GABRB2: variants seen among roughly 807,000 people sequenced by gnomAD.
GABRB2 encodes gamma-aminobutyric acid receptor subunit beta-2.
A neutral mutation model predicts 54.7 loss-of-function variants in GABRB2; 16 were observed. The ratio of observed to expected loss-of-function variants is 0.29; its 90% CI spans 0.20 to 0.44. The LOEUF (loss-of-function observed/expected upper bound fraction) is 0.44, where lower values mean the gene tolerates loss of function less well. Ranked by LOEUF, GABRB2 falls within the 20% of genes least tolerant of loss-of-function variation. The pLI is 1.00. For synonymous variants in GABRB2, 244 were observed against 233.8 expected (o/e 1.04, Z -0.40); for missense variants, 355 against 644.0 (o/e 0.55, Z 4.86).
intron 3 of GABRB2, among the ~76,000 whole-genome samples, chr5:161,461,107 T>C (rs912335015): frequency 5.9e-5 from 9 of 152,180 alleles, no homozygotes; most frequent in African/African-American, 2.2e-4. Flanking sequence ...GGTATGCATA[T>C]TTAAAATAGA....
chr5:161,376,599 C>T (rs907249629), intron 5 of GABRB2, among the ~76,000 whole-genome samples: 1 of 152,080 alleles, frequency 6.6e-6, no homozygotes, highest in Non-Finnish European at 1.5e-5. Context: ...TATTTATGTG[C>T]TGCTGGATTT....
At chr5:161,467,013 A>C (rs569825607) in intron 3 of GABRB2, among the ~76,000 whole-genome samples, 1 of 152,254 alleles carries the variant, frequency 6.6e-6, no homozygotes, top group South Asian at 2.1e-4. Flanking sequence ...AAAGACATAA[A>C]GACACCTAAC....
chr5:161,468,864 C>T (rs1377199454), intron 3 of GABRB2, among the ~76,000 whole-genome samples: 1 of 151,874 alleles, frequency 6.6e-6, no homozygotes, highest in Non-Finnish European at 1.5e-5. Flanking sequence ...AAAAACCTAA[C>T]TGTTCATCAA....
chr5:161,308,611 T>TATG (rs1757770393), intron 9 of GABRB2, among the ~76,000 whole-genome samples: 2 of 152,170 alleles, frequency 1.3e-5, no homozygotes, highest in Non-Finnish European at 2.9e-5. Context: ...GACTTCAAAT[T>TATG]ATGCTGTAGG....
intron 5 of GABRB2, among the ~76,000 whole-genome samples, chr5:161,394,919 A>G (rs531696609): frequency 6.6e-6 from 1 of 152,278 alleles, no homozygotes; most frequent in African/African-American, 2.4e-5. Context: ...AATAGGAGTT[A>G]CAATCCAATA....
intron 3 of GABRB2, among the ~76,000 whole-genome samples, chr5:161,527,804 T>C (rs1760330605): frequency 6.6e-6 from 1 of 151,504 alleles, no homozygotes; most frequent in Non-Finnish European, 1.5e-5. Flanking sequence ...ATGAAAAGAA[T>C]GTATATACTG....
intron 4 of GABRB2, among the ~76,000 whole-genome samples, chr5:161,447,406 GC>G (rs1353507074): frequency 6.6e-5 from 10 of 152,070 alleles, no homozygotes; most frequent in Non-Finnish European, 1.3e-4. Flanking sequence ...TTAGTTGTCA[GC>G]CTGTTACAGC....
At chr5:161,429,835 G>A (rs1409744303) in intron 4 of GABRB2, among the ~76,000 whole-genome samples, 1 of 152,094 alleles carries the variant, frequency 6.6e-6, no homozygotes, top group Non-Finnish European at 1.5e-5. Flanking sequence ...TAAGACAAAA[G>A]GGAATGGTGG....
chr5:161,467,279 T>C (rs1758306687), intron 3 of GABRB2, among the ~76,000 whole-genome samples: 1 of 152,084 alleles, frequency 6.6e-6, no homozygotes, highest in African/African-American at 2.4e-5. Flanking sequence ...AAAGACAAAA[T>C]ATTTAACTTC....
intron 5 of GABRB2, among the ~76,000 whole-genome samples, chr5:161,362,371 T>C (rs1195059652): frequency 1.3e-5 from 2 of 152,204 alleles, no homozygotes; most frequent in Non-Finnish European, 2.9e-5. Flanking sequence ...CTTTGGATAG[T>C]ATGGTCATTT....
intron 3 of GABRB2, among the ~76,000 whole-genome samples, chr5:161,512,929 G>A (rs1166335418): frequency 6.6e-6 from 1 of 151,246 alleles, no homozygotes; most frequent in Non-Finnish European, 1.5e-5. Flanking sequence ...AGACATACAA[G>A]AGCAAACAAA....
intron 9 of GABRB2, among the ~76,000 whole-genome samples, chr5:161,318,655 C>T (rs1182439133): frequency 6.6e-6 from 1 of 151,956 alleles, no homozygotes; most frequent in Non-Finnish European, 1.5e-5. Flanking sequence ...TAAAATTTTT[C>T]ACTTTCTGGA....
rs1057005027 is a variant in GABRB2, at chr5:161,527,886, G to A, written c.237+17341C>T. 5.3e-5 allele frequency among the ~76,000 whole-genome samples: 8 copies of A among 151,782 alleles called. No homozygotes were observed. In the East Asian group the frequency reaches 7.7e-4, roughly 15 times the overall value. On this transcript the variant is annotated intron_variant, in intron 3 of 9. Coordinates refer to ENST00000393959, the MANE Select transcript of GABRB2 (RefSeq NM_001371727.1). ...TAAACTAGCACACTTTTAAGGAACC[G>A]TGGCTTTGTAACAAGTATCAGTGCC...
chr5:161,360,931 G>T (rs1181816093), intron 5 of GABRB2, among the ~76,000 whole-genome samples: 2 of 151,308 alleles, frequency 1.3e-5, no homozygotes, highest in African/African-American at 4.8e-5. Flanking sequence ...CCTCACTTGA[G>T]CCCAAGAGTT....
chr5:161,379,306 T>A (rs1484605645), intron 5 of GABRB2, among the ~76,000 whole-genome samples: 2 of 152,134 alleles, frequency 1.3e-5, no homozygotes, highest in South Asian at 2.1e-4. Flanking sequence ...ATTTTCATGA[T>A]GTGGAGCTTA....
intron 3 of GABRB2, among the ~76,000 whole-genome samples, chr5:161,482,783 G>A (rs552160610): frequency 1.3e-5 from 2 of 151,944 alleles, no homozygotes; most frequent in African/African-American, 2.4e-5. Flanking sequence ...TTTTAAGTTT[G>A]GTATTTTGTT....
At chr5:161,449,890 G>C (rs1280281733) in intron 4 of GABRB2, among the ~76,000 whole-genome samples, 1 of 151,866 alleles carries the variant, frequency 6.6e-6, no homozygotes, top group Non-Finnish European at 1.5e-5. Flanking sequence ...CACGTTCACA[G>C]TATTCTGGTG....
At chr5:161,540,888 C>T (rs1379882704) in intron 3 of GABRB2, among the ~76,000 whole-genome samples, 1 of 152,028 alleles carries the variant, frequency 6.6e-6, no homozygotes, top group Admixed American at 6.6e-5. Context: ...ACTCTGTCAC[C>T]CAGTTTGCAG....
chr5:161,531,864 A>T lies in GABRB2; in HGVS notation c.237+13363T>A, dbSNP rs544298483. On this transcript the variant is annotated intron_variant, in intron 3 of 9. Coordinates refer to ENST00000393959, the MANE Select transcript of GABRB2 (RefSeq NM_001371727.1). ...GATAACATACACTGCATATTAATAC[A>T]TAAATAAATATTTATTTATTGAGTC... 1.8e-4 allele frequency among the ~76,000 whole-genome samples: 28 copies of T among 152,254 alleles called. 1 individual carries two copies. The East Asian group carries it at 5.2e-3, about 28-fold the overall frequency.
Sources: allele counts gnomAD v4.1 joint callset (sites outside exome capture counted in the v4.1 genomes callset), GRCh38; gene constraint gnomAD v4.1.1; transcripts MANE v1.5; gene names NCBI Gene and HGNC (gene_info 2026-07-23, HGNC 2026-07-21).